Variants in SLC2A2 observed in about 807,000 individuals in gnomAD.
SLC2A2 encodes solute carrier family 2 member 2.
In SLC2A2, 36 loss-of-function variants were observed where a neutral mutation model predicts 54.5. The observed-to-expected ratio is 0.66, with a 90% confidence interval of 0.51 to 0.87. The LOEUF (loss-of-function observed/expected upper bound fraction) is 0.87. Among genes scored for constraint, SLC2A2 ranks in the 40% least tolerant of loss-of-function variants. The pLI, the probability that SLC2A2 is intolerant of heterozygous loss-of-function variation, is 0.00. For missense variants in SLC2A2, 543 were observed against 624.3 expected (o/e 0.87, Z 1.39); for synonymous variants, 223 against 219.1 (o/e 1.02, Z -0.16).
chr3:171,017,706 C>T (rs1560041324), intron 2 of SLC2A2, among the ~76,000 whole-genome samples: 2 of 152,186 alleles, frequency 1.3e-5, no homozygotes, highest in South Asian at 4.1e-4. Context: ...CAGTCTTGCC[C>T]TCAATGACCT....
In SLC2A2 at chr3:170,998,456, G is replaced by A. The variant is rs542501179; in HGVS notation, c.1171-60C>T. The A allele has an allele frequency of 3.2e-5, 44 of 1,373,116 alleles. 1 individual carries two copies. In the South Asian group the frequency reaches 4.6e-4, roughly 14 times the overall value. 85.1% of individuals were successfully genotyped at this position (1,373,116 alleles called of 1,614,324 possible). ...GATCATTTGGCTGCTTTTTCCTTTA[G>A]CTAAGTAGCCTCTGAGTTCACAGGC... On this transcript the variant is annotated intron_variant, in intron 9 of 10. Transcript: ENST00000314251.
In SLC2A2 at chr3:171,005,879, C is replaced by T. The variant is rs2292621; in HGVS notation, c.775+64G>A. ...AATCACCAACTTCATGTGGAAAGCA[C>T]TGTTTTACATTAGCTGATAATGCCA... On this transcript the variant is annotated intron_variant, in intron 6 of 10. Transcript: ENST00000314251. 0.14 allele frequency: 205,709 copies of T among 1,473,212 alleles called. 17,581 individuals carry two copies. Among genetic ancestry groups the T allele is most frequent in the African/African-American group, 0.39 (28,313 of 71,722 alleles). 91.3% of individuals were successfully genotyped at this position (1,473,212 alleles called of 1,614,324 possible).
Position 170,997,783 on chromosome 3 carries a change from G to A in SLC2A2, c.*120C>T, listed in dbSNP as rs1715149159. 3.6e-6 allele frequency: 3 copies of A among 829,820 alleles called. No individual in the cohort carries two copies. The highest frequency in any genetic ancestry group is 6.0e-6 in the Non-Finnish European group (3 of 499,784). 51.4% of individuals were successfully genotyped at this position (829,820 alleles called of 1,614,324 possible). ...TAATATTTGATGACATTTCTGATGA[G>A]AGCACATAAAAATAAAACAATACTT... On this transcript the variant is annotated 3_prime_UTR_variant, in exon 11 of 11. Transcript: ENST00000314251.
intron 2 of SLC2A2, among the ~76,000 whole-genome samples, chr3:171,016,378 G>A (rs955738694): frequency 6.6e-6 from 1 of 152,016 alleles, no homozygotes; most frequent in Admixed American, 6.6e-5. Context: ...AGAGGTTGAA[G>A]TGAAAATCTC....
At chr3:171,011,383 T>C (rs1715874775) in intron 3 of SLC2A2, among the ~76,000 whole-genome samples, 1 of 152,002 alleles carries the variant, frequency 6.6e-6, no homozygotes, top group South Asian at 2.1e-4. Context: ...GAGATTAGAA[T>C]GTTGTGCTTC....
chr3:171,012,632 A>G (rs1186082327), intron 3 of SLC2A2, among the ~76,000 whole-genome samples: 1 of 152,152 alleles, frequency 6.6e-6, no homozygotes, highest in African/African-American at 2.4e-5. Flanking sequence ...TAATGGAAGT[A>G]TTACATTTTT....
intron 2 of SLC2A2, among the ~76,000 whole-genome samples, chr3:171,015,080 A>G (rs1299402925): frequency 6.6e-6 from 1 of 152,204 alleles, no homozygotes. Context: ...CTGGTGTTGG[A>G]TGACCTTTAA....
intron 1 of SLC2A2, among the ~76,000 whole-genome samples, chr3:171,019,621 G>A (rs755358516): frequency 3.3e-5 from 5 of 152,050 alleles, no homozygotes; most frequent in Non-Finnish European, 7.4e-5. Flanking sequence ...CCCAAATATC[G>A]TTCAATGGGA....
At chr3:171,019,100 TATATATATATATATATATATATAC>T (rs1254309458) in intron 1 of SLC2A2, among the ~76,000 whole-genome samples, 4 of 13,458 alleles carry the variant, frequency 3.0e-4, no homozygotes, top group Non-Finnish European at 4.6e-4. Context: ...TGTGTGTGTA[TATATATATATATATATATATATAC>T]GTATGTATAT....
intron 3 of SLC2A2, among the ~76,000 whole-genome samples, chr3:171,013,817 T>C (rs914085936): frequency 1.3e-5 from 2 of 152,214 alleles, no homozygotes; most frequent in African/African-American, 4.8e-5. Flanking sequence ...ACAGCTGTAG[T>C]CCATTGCATG....
At chr3:171,016,485 A>T (rs947130971) in intron 2 of SLC2A2, among the ~76,000 whole-genome samples, 3 of 152,226 alleles carry the variant, frequency 2.0e-5, no homozygotes, top group Non-Finnish European at 4.4e-5. Context: ...ATGCATAGAA[A>T]AAAAAGCTGA....
chr3:171,016,654 T>TA (rs67481408), intron 2 of SLC2A2, among the ~76,000 whole-genome samples: 54,052 of 151,702 alleles, frequency 0.36, 10,912 homozygotes, highest in African/African-American at 0.56. Flanking sequence ...AAAAAAGGCT[T>TA]AAAAAATCAT....
At chr3:171,011,073 T>G (rs1715861253) in intron 3 of SLC2A2, among the ~76,000 whole-genome samples, 2 of 152,064 alleles carry the variant, frequency 1.3e-5, no homozygotes, top group South Asian at 4.1e-4. Flanking sequence ...CATGCAAGTA[T>G]CTTTAACACC....
At chr3:170,999,613 A>G (rs1289926484) in intron 8 of SLC2A2, among the ~76,000 whole-genome samples, 1 of 152,088 alleles carries the variant, frequency 6.6e-6, no homozygotes, top group African/African-American at 2.4e-5. Context: ...GGGTCTGTGC[A>G]CTATTGACAC....
chr3:171,003,241 C>T (rs1715421064), intron 7 of SLC2A2, among the ~76,000 whole-genome samples: 1 of 151,870 alleles, frequency 6.6e-6, no homozygotes, highest in Admixed American at 6.6e-5. Flanking sequence ...TGAGAATCAT[C>T]CTTATTGTGT....
chr3:171,011,170 A>G (rs1170451076), intron 3 of SLC2A2, among the ~76,000 whole-genome samples: 2 of 152,140 alleles, frequency 1.3e-5, no homozygotes, highest in Non-Finnish European at 2.9e-5. Context: ...GATAGGCTAA[A>G]TCATGTCCCC....
intron 1 of SLC2A2, among the ~76,000 whole-genome samples, chr3:171,021,585 T>C (rs1398197245): frequency 6.6e-6 from 1 of 152,150 alleles, no homozygotes; most frequent in African/African-American, 2.4e-5. Context: ...CAAGAGTTCA[T>C]GACCAGCCTG....
intron 3 of SLC2A2, 131 bp from the exon 4 acceptor site, chr3:171,010,213 G>A (rs887784838): frequency 3.1e-6 from 3 of 955,392 alleles, no homozygotes; most frequent in Non-Finnish European, 4.8e-6. Context: ...AGCTAGTTGG[G>A]GAATCTTGAA....
chr3:171,012,528 T>C (rs1223857831), intron 3 of SLC2A2, among the ~76,000 whole-genome samples: 7 of 152,108 alleles, frequency 4.6e-5, no homozygotes, highest in African/African-American at 1.4e-4. Flanking sequence ...GTTGGAAAAA[T>C]TGGCCTTGCA....
Sources: gnomAD v4.1 joint callset for allele counts (sites outside exome capture counted in the v4.1 genomes callset) on GRCh38, gnomAD v4.1.1 for gene constraint, MANE v1.5 for transcripts, NCBI Gene and HGNC (gene_info 2026-07-23, HGNC 2026-07-21) for gene names.